The following PLB1 variants were observed in gnomAD, a reference collection of about 807,000 sequenced individuals.
PLB1 encodes phospholipase B1.
In PLB1, 242 loss-of-function variants were observed where a neutral mutation model predicts 227.4. That is an observed-to-expected ratio of 1.06 (90% confidence interval 0.96 to 1.18). The LOEUF is 1.18. Among genes scored for constraint, PLB1 ranks in the 50% most tolerant of loss-of-function variants. The pLI is 0.00. For synonymous variants in PLB1, 757 were observed against 682.2 expected, an observed-to-expected ratio of 1.11 and a Z score of -1.71; for missense variants, 1,858 against 1,816.3, an observed-to-expected ratio of 1.02 and a Z score of -0.42.
At chr2:28,637,952 C>T (rs969024378) in intron 56 of PLB1, among the ~76,000 whole-genome samples, 1 of 152,186 alleles carries the variant, frequency 6.6e-6, no homozygotes, top group African/African-American at 2.4e-5. Flanking sequence ...AAAACAATTT[C>T]ATTCCCTGTG....
chr2:28,614,331 G>A (rs1034967960), intron 44 of PLB1, among the ~76,000 whole-genome samples: 4 of 152,158 alleles, frequency 2.6e-5, no homozygotes, highest in East Asian at 1.9e-4. Context: ...TCTATGGATC[G>A]ATTTTCTTTG....
At chr2:28,501,149 T>A (rs1667049743) in intron 1 of PLB1, among the ~76,000 whole-genome samples, 1 of 152,236 alleles carries the variant, frequency 6.6e-6, no homozygotes, top group Non-Finnish European at 1.5e-5. Context: ...TATAAAGTTA[T>A]CTTTAATTTA....
At chr2:28,557,604 T>G (rs1402407202) in intron 17 of PLB1, among the ~76,000 whole-genome samples, 1 of 152,172 alleles carries the variant, frequency 6.6e-6, no homozygotes, top group Non-Finnish European at 1.5e-5. Context: ...GCAATTTCCT[T>G]GCTATTTGTG....
intron 9 of PLB1, among the ~76,000 whole-genome samples, chr2:28,534,690 C>T (rs1474732819): frequency 6.6e-6 from 1 of 151,970 alleles, no homozygotes; most frequent in East Asian, 1.9e-4. Flanking sequence ...CCCATCTGTA[C>T]TAAAAATACA....
chr2:28,536,957 C>T (rs1342686433), intron 9 of PLB1, among the ~76,000 whole-genome samples: 1 of 152,174 alleles, frequency 6.6e-6, no homozygotes, highest in Admixed American at 6.5e-5. Context: ...CCCGCCTCTC[C>T]AGGGACGGTG....
intron 57 of PLB1, among the ~76,000 whole-genome samples, chr2:28,641,865 C>T (rs1369861161): frequency 2.0e-5 from 3 of 152,124 alleles, no homozygotes; most frequent in Non-Finnish European, 2.9e-5. Flanking sequence ...CTTGCCCCAT[C>T]AAGGCTGCTT....
rs115884739 is a variant in PLB1, at chr2:28,540,645, C to T, written c.774+204C>T. ...CAGTATTCCTGCATATAAAATGGGG[C>T]CTGCAGGACTGGTAGGGGTGCGAGT... On this transcript the variant is annotated intron_variant, in intron 12 of 57. Transcript: ENST00000327757. Among the ~76,000 whole-genome samples the T allele has an allele frequency of 7.5e-3, 1,143 of 152,248 alleles. 15 individuals are homozygous for T. Among genetic ancestry groups the T allele is most frequent in the African/African-American group, 0.026 (1,065 of 41,520 alleles).
chr2:28,504,253 A>G (rs907798151), intron 1 of PLB1, among the ~76,000 whole-genome samples: 9 of 152,206 alleles, frequency 5.9e-5, no homozygotes, highest in African/African-American at 2.2e-4. Context: ...TAAGTAATTT[A>G]TTATGATACA....
rs372121341 is a variant in PLB1, at chr2:28,496,102, G to A, written c.-13G>A. On this transcript the variant is annotated 5_prime_UTR_variant, in exon 1 of 58. Transcript: ENST00000327757. ...GCTCTTCCAGAGGCCCGAGTCACCT[G>A]GAGCATTCTGGCATGGGGCTGCGGC... 1.1e-5 allele frequency: 17 copies of A among 1,613,820 alleles called. No homozygotes were observed. In the African/African-American group the frequency reaches 2.1e-4, roughly 20 times the overall value.
At position 28,579,695 on chromosome 2, in the gene PLB1, C is replaced by G. The variant is rs1364422632; in HGVS notation, c.1554C>G (p.Phe518Leu). 6.2e-7 allele frequency: 1 copy of G among 1,612,358 alleles called. No homozygotes were observed. Among genetic ancestry groups the G allele is most frequent in the African/African-American group, 1.3e-5 (1 of 74,882 alleles). The change falls in exon 23 of 58, where the codon TTC becomes TTG. Residue 518 changes from phenylalanine (F) to leucine (L), a missense_variant. Physicochemically the swap from Phe to Leu is conservative, Grantham distance 22. Transcript: ENST00000327757. ...LFIGGNDLCD[F>L]CNDLVHYSPQ... ...TAGGCGGCAATGACCTCTGTGATTT[C>G]TGCAATGATCTGGTAGGTCTCCAGG...
intron 38 of PLB1, among the ~76,000 whole-genome samples, chr2:28,602,203 A>T (rs1472660774): frequency 1.3e-5 from 2 of 151,964 alleles, no homozygotes; most frequent in Non-Finnish European, 2.9e-5. Flanking sequence ...TACATGGGAC[A>T]CTCCTTGGTG....
chr2:28,631,912 C>A, intron 54 of PLB1, 124 bp from the exon 55 acceptor site: 1 of 748,844 alleles, frequency 1.3e-6, no homozygotes, highest in South Asian at 1.6e-5. Flanking sequence ...TAGAGTAGCC[C>A]CTTAAAGTCA....
chr2:28,601,118 C>T lies in PLB1; in HGVS notation c.2527-134C>T. On this transcript the variant is annotated intron_variant, in intron 36 of 57. Transcript: ENST00000327757. ...GTCTATAAATAAACCTCTAAAATTC[C>T]TTCAGTTCAGAGATGCTGATTCCAT... 5.0e-6 allele frequency: 4 copies of T among 806,560 alleles called. No individual in the cohort carries two copies. The South Asian group carries it at 5.0e-5, about 10-fold the overall frequency. 50.0% of individuals were successfully genotyped at this position (806,560 alleles called of 1,614,324 possible). A position where few individuals can be genotyped will look rare whatever the true frequency, so the allele number is the denominator to read the frequency against.
At chr2:28,620,391 G>A in intron 47 of PLB1, 59 bp downstream of exon 47, 2 of 1,488,988 alleles carry the variant, frequency 1.3e-6, no homozygotes, top group South Asian at 1.3e-5. Flanking sequence ...GGTGTGAGTA[G>A]TGTGTTTCCT....
At chr2:28,542,659 T>C (rs1441974532) in intron 13 of PLB1, among the ~76,000 whole-genome samples, 5 of 152,076 alleles carry the variant, frequency 3.3e-5, no homozygotes, top group African/African-American at 9.7e-5. Flanking sequence ...GGGAGGGGAA[T>C]CTCAGTTGCC....
chr2:28,594,246 C>A (rs1682522423), intron 33 of PLB1: 1 of 290,086 alleles, frequency 3.4e-6, no homozygotes, highest in Non-Finnish European at 7.1e-6. Flanking sequence ...CAATCACAAT[C>A]AGCCATGTCT....
At chr2:28,609,662 A>C (rs911930028) in intron 43 of PLB1, among the ~76,000 whole-genome samples, 1 of 152,168 alleles carries the variant, frequency 6.6e-6, no homozygotes, top group African/African-American at 2.4e-5. Context: ...ATTCATTCAA[A>C]AAATAATTTT....
intron 52 of PLB1, 54 bp from the exon 53 acceptor site, chr2:28,629,040 G>A (rs750277257): frequency 6.4e-5 from 95 of 1,484,224 alleles, no homozygotes; most frequent in Admixed American, 2.1e-4. Flanking sequence ...TGACCCCCAG[G>A]TTCCTCCCAG....
chr2:28,581,648 T>C (rs943457164), intron 23 of PLB1, among the ~76,000 whole-genome samples: 22 of 152,194 alleles, frequency 1.4e-4, no homozygotes, highest in African/African-American at 5.3e-4. Flanking sequence ...TATTTCAATA[T>C]TGCCCACTGT....
Sources: allele counts gnomAD v4.1 joint callset (sites outside exome capture counted in the v4.1 genomes callset), GRCh38; gene constraint gnomAD v4.1.1; transcripts MANE v1.5; gene names NCBI Gene and HGNC (gene_info 2026-07-23, HGNC 2026-07-21).